The following ADCY5 variants were observed in gnomAD, a reference collection of about 807,000 sequenced individuals.
ADCY5 encodes the protein adenylate cyclase type 5.
A neutral mutation model predicts 119.7 loss-of-function variants in ADCY5; 30 were observed. The ratio of observed to expected loss-of-function variants is 0.25; its 90% confidence interval spans 0.19 to 0.34. ADCY5 has a LOEUF of 0.34. ADCY5 is among the 10% of genes least tolerant of loss of function. The probability of loss-of-function intolerance (pLI) is 1.00; values close to 1 mark genes in which losing one functional copy is unlikely to be tolerated. For synonymous variants in ADCY5, 753 were observed against 762.2 expected (o/e 0.99, Z 0.20); for missense variants, 1,324 against 1,775.2 (o/e 0.75, Z 4.57).
intron 1 of ADCY5, among the ~76,000 whole-genome samples, chr3:123,393,977 T>C (rs1490900292): frequency 6.6e-6 from 1 of 152,020 alleles, no homozygotes; most frequent in Non-Finnish European, 1.5e-5. Context: ...CTACTAAAAA[T>C]ACACACACAC....
intron 10 of ADCY5, 82 bp from the exon 11 acceptor site, chr3:123,318,199 GAAGCCACTCAT>G: frequency 8.8e-7 from 1 of 1,139,700 alleles, no homozygotes; most frequent in Non-Finnish European, 1.3e-6. Flanking sequence ...CACACCCAGG[GAAGCCACTCAT>G]GGCTGGTCAC....
intron 1 of ADCY5, among the ~76,000 whole-genome samples, chr3:123,430,024 C>T (rs1437077041): frequency 6.6e-6 from 1 of 152,122 alleles, no homozygotes; most frequent in East Asian, 1.9e-4. Context: ...GCATGCAGGT[C>T]AGCATCTCCT....
chr3:123,347,941 C>T, intron 2 of ADCY5, 38 bp from the exon 3 acceptor site: 4 of 1,612,922 alleles, frequency 2.5e-6, no homozygotes, highest in Non-Finnish European at 3.4e-6. Flanking sequence ...ACCACGCCTT[C>T]TACCTGCCTG....
intron 1 of ADCY5, among the ~76,000 whole-genome samples, chr3:123,403,790 T>A (rs62262407): frequency 0.24 from 36,113 of 152,162 alleles, 4,696 homozygotes; most frequent in Middle Eastern, 0.35. Flanking sequence ...CCGCCCTGCA[T>A]GGACCCCGGG....
chr3:123,383,662 C>A (rs571729841), intron 1 of ADCY5, among the ~76,000 whole-genome samples: 11 of 152,078 alleles, frequency 7.2e-5, no homozygotes, highest in Non-Finnish European at 1.2e-4. Flanking sequence ...GCAGCAACAG[C>A]GACGGCTCCC....
chr3:123,359,331 A>ATATATATATATATATATATATATATATAT (rs1943154404), intron 1 of ADCY5, among the ~76,000 whole-genome samples: 1 of 109,764 alleles, frequency 9.1e-6, no homozygotes, highest in African/African-American at 3.7e-5. Context: ...CTTATACTAA[A>ATATATATATATATATATATATATATATAT]ATATATATAT....
chr3:123,318,149 A>G, intron 10 of ADCY5, 32 bp from the exon 11 acceptor site: 1 of 1,570,472 alleles, frequency 6.4e-7, no homozygotes, highest in Non-Finnish European at 8.7e-7. Flanking sequence ...GAGAGGGGCC[A>G]AGGTACCTGG....
chr3:123,380,475 A>G (rs1943995554), intron 1 of ADCY5, among the ~76,000 whole-genome samples: 1 of 152,226 alleles, frequency 6.6e-6, no homozygotes. Context: ...CCCTCTAAAC[A>G]CAAGGCACTG....
chr3:123,297,888 A>G (rs1312985509), intron 15 of ADCY5, among the ~76,000 whole-genome samples: 1 of 152,284 alleles, frequency 6.6e-6, no homozygotes, highest in Non-Finnish European at 1.5e-5. Context: ...TATATCGATT[A>G]TATCTTAAAA....
At chr3:123,360,315 T>C (rs1257458894) in intron 1 of ADCY5, among the ~76,000 whole-genome samples, 1 of 152,026 alleles carries the variant, frequency 6.6e-6, no homozygotes, top group African/African-American at 2.4e-5. Flanking sequence ...CCAGACAACA[T>C]CGCCTTTCTC....
In ADCY5 at chr3:123,352,712, C is replaced by T. The variant is rs775931752; in HGVS notation, c.1135-131G>A. 81 of 1,060,870 alleles carry T rather than the reference C, an allele frequency of 7.6e-5. No homozygotes were observed. Among genetic ancestry groups the T allele is most frequent in the Non-Finnish European group, 9.7e-5 (73 of 756,368 alleles). The allele number at this position is 1,060,870 out of a possible 1,614,324, so 65.7% of individuals were successfully genotyped here. Reference sequence around the variant, plus strand: ...AAACAAATGCTGAGGGCACCCCACACGCGGCCAACCACTGTGAGCAGCCGA... The same window carrying T: ...AAACAAATGCTGAGGGCACCCCACATGCGGCCAACCACTGTGAGCAGCCGA... On this transcript the variant is annotated intron_variant, in intron 1 of 20. Coordinates refer to ENST00000462833, the MANE Select transcript of ADCY5 (RefSeq NM_183357.3). This position sits in a 1 kb window ranked among gnomAD's most constrained non-coding sequence, Gnocchi z 4.8.
At chr3:123,287,936 A>G (rs1331030398) in intron 19 of ADCY5, among the ~76,000 whole-genome samples, 1 of 152,218 alleles carries the variant, frequency 6.6e-6, no homozygotes, top group Non-Finnish European at 1.5e-5. Context: ...CTTTTCAAAA[A>G]CACACACTGG....
chr3:123,310,413 G>A lies in ADCY5; in HGVS notation c.2442+3822C>T, dbSNP rs182116664. On this transcript the variant is annotated intron_variant, in intron 12 of 20. Transcript: ENST00000462833. ...GAGCTGGCCAAAGAGGGAAGGGGCT[G>A]CACTCAGGAGCTGTGAGTGAGCTCC... Among the ~76,000 whole-genome samples, 418 of 152,290 alleles carry A rather than the reference G, an allele frequency of 2.7e-3. 5 individuals carry two copies. The highest frequency in any genetic ancestry group is 8.8e-3 in the African/African-American group (367 of 41,558).
intron 1 of ADCY5, among the ~76,000 whole-genome samples, chr3:123,446,238 T>G (rs1203472467): frequency 6.6e-6 from 1 of 151,986 alleles, no homozygotes; most frequent in African/African-American, 2.4e-5. Context: ...GGAGAGCAAC[T>G]CAAGAAAGAT....
At chr3:123,404,267 T>G (rs979629483) in intron 1 of ADCY5, 3 of 152,082 alleles carry the variant, frequency 2.0e-5, no homozygotes, top group African/African-American at 7.2e-5. Context: ...GCACCCCGAG[T>G]GCTGAGAACA....
chr3:123,436,586 G>A (rs1470798928), intron 1 of ADCY5, among the ~76,000 whole-genome samples: 1 of 151,938 alleles, frequency 6.6e-6, no homozygotes, highest in Non-Finnish European at 1.5e-5. Flanking sequence ...CATGCCTGTA[G>A]TCCCAGCTAC....
intron 1 of ADCY5, among the ~76,000 whole-genome samples, chr3:123,415,714 C>T (rs757816425): frequency 5.3e-5 from 8 of 152,122 alleles, no homozygotes; most frequent in Non-Finnish European, 8.8e-5. Context: ...CATTGTTTTT[C>T]TTTTTAAGTT....
At chr3:123,405,290 T>C (rs7635110) in intron 1 of ADCY5, among the ~76,000 whole-genome samples, 31,248 of 152,214 alleles carry the variant, frequency 0.21, 3,936 homozygotes, top group Middle Eastern at 0.35. Context: ...CGGACTCCCT[T>C]GGCTGCATGG....
In ADCY5 at chr3:123,291,278, G is replaced by A; in HGVS notation, c.3162C>T (p.Ala1054=). Residue 1054 remains alanine (A), a synonymous_variant, in exon 18 of 21, where the codon GCC becomes GCT. Transcript: ENST00000462833. Reference sequence around the variant, plus strand: ...AGAGCTCATCATTGCGCCGCTCGCGGGCCAGGAAGTGAGCGGCCACGTCCT... The same window carrying A: ...AGAGCTCATCATTGCGCCGCTCGCGAGCCAGGAAGTGAGCGGCCACGTCCT... The part of the protein sequence containing the change: ...LPKDVAAHFL[A]RERRNDELYY... The A allele has an allele frequency of 6.2e-7, 1 of 1,614,004 alleles. No individual in the cohort carries two copies. Among genetic ancestry groups the A allele is most frequent in the Non-Finnish European group, 8.5e-7 (1 of 1,180,044 alleles).
Sources: gnomAD v4.1 joint callset for allele counts (sites outside exome capture counted in the v4.1 genomes callset) on GRCh38, gnomAD v4.1.1 for gene constraint, Gnocchi (gnomAD v3.1) non-coding constraint, MANE v1.5 for transcripts, NCBI Gene and HGNC (gene_info 2026-07-23, HGNC 2026-07-21) for gene names.